Variants in FBXO45 observed in about 807,000 individuals in gnomAD.
FBXO45 encodes the protein F-box protein 45, also known as F-box/SPRY domain-containing protein 1.
In FBXO45, 3 loss-of-function variants were observed where a neutral mutation model predicts 25.5. The observed-to-expected ratio is 0.12, with a 90% CI of 0.05 to 0.30. The LOEUF (loss-of-function observed/expected upper bound fraction) is 0.30, where lower values mean the gene tolerates loss of function less well. FBXO45 is among the 10% of genes least tolerant of loss of function. The probability of loss-of-function intolerance (pLI) is 1.00; values close to 1 mark genes in which losing one functional copy is unlikely to be tolerated. For missense variants in FBXO45, 219 were observed against 365.0 expected, an observed-to-expected ratio of 0.60 and a Z score of 3.26; for synonymous variants, 155 against 149.8, an observed-to-expected ratio of 1.03 and a Z score of -0.25.
chr3:196,569,059 C>G lies in FBXO45; in HGVS notation c.75C>G (p.Gly25=). ...GTAGCGGCGGCGGCGCGGGCGCGGG[C>G]GCGGGCTCGGGCTCTGGGGCCGCGG... ...AGCSGGGAGA[G]AGSGSGAAGA... Residue 25 remains glycine (G), a synonymous_variant, in exon 1 of 3, where the codon GGC becomes GGG. Coordinates refer to ENST00000311630, the MANE Select transcript of FBXO45 (RefSeq NM_001105573.2). This position sits in a 1 kb window ranked among gnomAD's most constrained non-coding sequence, Gnocchi z 4.1. The G allele has an allele frequency of 8.5e-7, 1 of 1,179,006 alleles. No individual in the cohort carries two copies. The highest frequency in any genetic ancestry group is 1.1e-6 in the Non-Finnish European group (1 of 949,928). 73.0% of individuals were successfully genotyped at this position (1,179,006 alleles called of 1,614,324 possible).
rs1290388434 is a variant in FBXO45, at chr3:196,582,680, T to C, written c.676-1453T>C. Reference sequence around the variant, plus strand: ...AAAACTGGATATATTCTGCTTCCAGTTTCGTTTAATAATCAGTGCTGCTGT... The same window carrying C: ...AAAACTGGATATATTCTGCTTCCAGCTTCGTTTAATAATCAGTGCTGCTGT... On this transcript the variant is annotated intron_variant, in intron 2 of 2. Transcript: ENST00000311630. Among the ~76,000 whole-genome samples, 5 of 152,148 alleles carry C rather than the reference T, an allele frequency of 3.3e-5. No individual in the cohort carries two copies. The East Asian group carries it at 9.6e-4, about 29-fold the overall frequency.
At chr3:196,575,230 C>T (rs998297536) in intron 1 of FBXO45, among the ~76,000 whole-genome samples, 2 of 152,018 alleles carry the variant, frequency 1.3e-5, no homozygotes, top group Non-Finnish European at 1.5e-5. Context: ...CCAAGGCAGG[C>T]GGATCACCTG....
chr3:196,569,767 T>G lies in FBXO45; in HGVS notation c.318+465T>G, dbSNP rs992642586. Among the ~76,000 whole-genome samples, 8 of 152,220 alleles carry G rather than the reference T, an allele frequency of 5.3e-5. No individual in the cohort carries two copies. Among genetic ancestry groups the G allele is most frequent in the African/African-American group, 1.9e-4 (8 of 41,440 alleles). On this transcript the variant is annotated intron_variant, in intron 1 of 2. Coordinates refer to ENST00000311630, the MANE Select transcript of FBXO45 (RefSeq NM_001105573.2). This position sits in a 1 kb window ranked among gnomAD's most constrained non-coding sequence, Gnocchi z 4.1. ...TTTCCAAGCTCTGATTTTTAACCATTTGTTTTCATTATTTTCCCCCAAGTT... is the reference window on the plus strand; with the variant it reads ...TTTCCAAGCTCTGATTTTTAACCATGTGTTTTCATTATTTTCCCCCAAGTT...
Position 196,577,479 on chromosome 3 carries a change from C to T in FBXO45, c.345C>T (p.Ser115=). Residue 115 remains serine, a synonymous_variant, in exon 2 of 3, where the codon AGC becomes AGT. Coordinates refer to ENST00000311630, the MANE Select transcript of FBXO45 (RefSeq NM_001105573.2). ...TACGTGCTTTTCAACATGCCTTCAGCACTAATGACTGCTCCAGGAATGTCT... is the reference window on the plus strand; with the variant it reads ...TACGTGCTTTTCAACATGCCTTCAGTACTAATGACTGCTCCAGGAATGTCT... ...AKIRAFQHAF[S]TNDCSRNVYI... is the part of the protein sequence containing the mutation. 6.2e-7 allele frequency: 1 copy of T among 1,608,348 alleles called. No homozygotes were observed. The highest frequency in any genetic ancestry group is 8.5e-7 in the Non-Finnish European group (1 of 1,175,272).
At chr3:196,571,341 G>A (rs1218919776) in intron 1 of FBXO45, among the ~76,000 whole-genome samples, 1 of 151,980 alleles carries the variant, frequency 6.6e-6, no homozygotes, top group Admixed American at 6.5e-5. Context: ...ATCCTCCTTA[G>A]CTTAGCCTCC....
chr3:196,573,362 T>C (rs1735860323), intron 1 of FBXO45, among the ~76,000 whole-genome samples: 1 of 152,202 alleles, frequency 6.6e-6, no homozygotes, highest in African/African-American at 2.4e-5. Flanking sequence ...ATGGAGGGCT[T>C]TGAAATATAG....
At position 196,577,644 on chromosome 3, in the gene FBXO45, G is replaced by A; in HGVS notation, c.510G>A (p.Val170=). The change falls in exon 2 of 3, where the codon GTG becomes GTA. Residue 170 remains valine (V), a synonymous_variant. Transcript: ENST00000311630. ...WWEGPLGTVA[V]IGIATKRAPM... ...AGGGCCCTCTGGGCACTGTGGCAGTGATTGGAATTGCCACAAAACGGGCCC... is the reference window on the plus strand; with the variant it reads ...AGGGCCCTCTGGGCACTGTGGCAGTAATTGGAATTGCCACAAAACGGGCCC... The A allele has an allele frequency of 6.2e-7, 1 of 1,613,670 alleles. No individual in the cohort carries two copies. Among genetic ancestry groups the A allele is most frequent in the Non-Finnish European group, 8.5e-7 (1 of 1,179,682 alleles).
rs1482389052 is a variant in FBXO45 at position 196,584,376 on chromosome 3, G to C, written c.*58G>C. ...AGGAGAGATCTGCTTATGGGAAGTA[G>C]AACCATGAAGTGACTGTCACACATG... On this transcript the variant is annotated 3_prime_UTR_variant, in exon 3 of 3. Transcript: ENST00000311630. This position sits in a 1 kb window ranked among gnomAD's most constrained non-coding sequence, Gnocchi z 4.3. 6.9e-7 allele frequency: 1 copy of C among 1,447,742 alleles called. No individual in the cohort carries two copies. Among genetic ancestry groups the C allele is most frequent in the African/African-American group, 1.4e-5 (1 of 69,422 alleles). 89.7% of individuals were successfully genotyped at this position (1,447,742 alleles called of 1,614,324 possible).
At chr3:196,578,886 G>A (rs763739014) in intron 2 of FBXO45, among the ~76,000 whole-genome samples, 3 of 152,050 alleles carry the variant, frequency 2.0e-5, no homozygotes, top group Non-Finnish European at 4.4e-5. Context: ...GTGGCCCAGG[G>A]AAGCCAAAGG....
At chr3:196,570,265 CTTT>C (rs35858957) in intron 1 of FBXO45, among the ~76,000 whole-genome samples, 4,383 of 142,294 alleles carry the variant, frequency 0.031, 175 homozygotes, top group African/African-American at 0.094. Context: ...ACATCCCCCC[CTTT>C]TTTTTTTTTT....
rs760936846 is a variant in FBXO45 at position 196,585,708 on chromosome 3, CTTT to C, written c.*1392_*1394del. On this transcript the variant is annotated 3_prime_UTR_variant, in exon 3 of 3. Transcript: ENST00000311630. ...CAACCCACATGAGCTGAGAGTTTTT[CTTT>C]TGTTAGAAAAGAAACAGACATCTTT... 3 of 152,286 alleles carry C rather than the reference CTTT, an allele frequency of 2.0e-5. No homozygotes were observed. The East Asian group carries it at 5.8e-4, about 29-fold the overall frequency. 9.4% of individuals were successfully genotyped at this position (152,286 alleles called of 1,614,324 possible). A position where few individuals can be genotyped will look rare whatever the true frequency, so the allele number is the denominator to read the frequency against.
intron 1 of FBXO45, among the ~76,000 whole-genome samples, chr3:196,570,835 C>G (rs1735811466): frequency 6.6e-6 from 1 of 151,778 alleles, no homozygotes; most frequent in South Asian, 2.1e-4. Context: ...CCTCAGCCTC[C>G]TGAGTAGCTG....
At chr3:196,576,409 G>A (rs562335453) in intron 1 of FBXO45, among the ~76,000 whole-genome samples, 24 of 152,264 alleles carry the variant, frequency 1.6e-4, no homozygotes, top group Admixed American at 5.2e-4. Flanking sequence ...CCAGGCAGGC[G>A]TAGTGACTCG....
intron 1 of FBXO45, among the ~76,000 whole-genome samples, chr3:196,570,768 G>A (rs992432018): frequency 6.9e-6 from 1 of 144,130 alleles, no homozygotes; most frequent in Non-Finnish European, 1.5e-5. Flanking sequence ...CTGGAGTGCA[G>A]TGGCGGGATC....
In FBXO45 at chr3:196,569,094, G is replaced by A. The variant is rs1028636947; in HGVS notation, c.110G>A (p.Gly37Asp). The change falls in exon 1 of 3, where the codon GGC (glycine) becomes GAC (aspartate). Residue 37 changes from glycine to aspartate, a missense_variant. Gly to Asp is a moderately conservative substitution (Grantham distance 94, BLOSUM62 -1). Coordinates refer to ENST00000311630, the MANE Select transcript of FBXO45 (RefSeq NM_001105573.2). The surrounding 1 kb of genome is among the most constrained non-coding windows in gnomAD (Gnocchi z 4.1). The stretch of plus-strand genomic sequence containing the variant: ...GGCTCTGGGGCCGCGGGGGCCGGGG[G>A]CCGGCTGCCCAGCCGGGTGCTGGAG... ...GSGSGAAGAG[G>D]RLPSRVLELV... The A allele has an allele frequency of 4.1e-6, 6 of 1,471,256 alleles. No homozygotes were observed. The African/African-American group carries it at 5.7e-5, about 14-fold the overall frequency. 91.1% of individuals were successfully genotyped at this position (1,471,256 alleles called of 1,614,324 possible). A position where few individuals can be genotyped will look rare whatever the true frequency, so the allele number is the denominator to read the frequency against.
At position 196,569,527 on chromosome 3, in the gene FBXO45, C is replaced by T. The variant is rs533529837; in HGVS notation, c.318+225C>T. Among the ~76,000 whole-genome samples, 1 of 152,322 alleles carries T rather than the reference C, an allele frequency of 6.6e-6. No individual in the cohort carries two copies. Among genetic ancestry groups the T allele is most frequent in the East Asian group, 1.9e-4 (1 of 5,186 alleles). On this transcript the variant is annotated intron_variant, in intron 1 of 2. Transcript: ENST00000311630. The surrounding 1 kb of genome is among the most constrained non-coding windows in gnomAD (Gnocchi z 4.1). ...CCACTTCCGTGATCCACTTTTCAAACAACTAGGTAGTTTGCCTCACTCATT... is the reference window on the plus strand; with the variant it reads ...CCACTTCCGTGATCCACTTTTCAAATAACTAGGTAGTTTGCCTCACTCATT...
chr3:196,584,385 A>G lies in FBXO45; in HGVS notation c.*67A>G. The G allele has an allele frequency of 7.2e-7, 1 of 1,390,198 alleles. No individual in the cohort carries two copies. Among genetic ancestry groups the G allele is most frequent in the Non-Finnish European group, 9.7e-7 (1 of 1,032,176 alleles). The allele number at this position is 1,390,198 out of a possible 1,614,324, so 86.1% of individuals were successfully genotyped here. On this transcript the variant is annotated 3_prime_UTR_variant, in exon 3 of 3. Coordinates refer to ENST00000311630, the MANE Select transcript of FBXO45 (RefSeq NM_001105573.2). This position sits in a 1 kb window ranked among gnomAD's most constrained non-coding sequence, Gnocchi z 4.3. ...CTGCTTATGGGAAGTAGAACCATGAAGTGACTGTCACACATGCATGTCCAA... is the reference window on the plus strand; with the variant it reads ...CTGCTTATGGGAAGTAGAACCATGAGGTGACTGTCACACATGCATGTCCAA...
Position 196,568,902 on chromosome 3 carries a change from C to T in FBXO45, c.-83C>T. 4 of 957,966 alleles carry T rather than the reference C, an allele frequency of 4.2e-6. No homozygotes were observed. Among genetic ancestry groups the T allele is most frequent in the Non-Finnish European group, 5.0e-6 (4 of 804,160 alleles). 59.3% of individuals were successfully genotyped at this position (957,966 alleles called of 1,614,324 possible). ...GGGGCGGTGAGCGAGCCGCTCCGGTCTCCGGGCGAGGCTTGGCCTTCCGAG... is the reference window on the plus strand; with the variant it reads ...GGGGCGGTGAGCGAGCCGCTCCGGTTTCCGGGCGAGGCTTGGCCTTCCGAG... On this transcript the variant is annotated 5_prime_UTR_variant, in exon 1 of 3. Coordinates refer to ENST00000311630, the MANE Select transcript of FBXO45 (RefSeq NM_001105573.2).
intron 1 of FBXO45, among the ~76,000 whole-genome samples, chr3:196,570,188 ATAAG>A (rs777961381): frequency 6.6e-6 from 1 of 152,198 alleles, no homozygotes; most frequent in Non-Finnish European, 1.5e-5. Context: ...AAGATCATAT[ATAAG>A]AGAAGATAAA....
Sources: allele counts gnomAD v4.1 joint callset (sites outside exome capture counted in the v4.1 genomes callset), GRCh38; gene constraint gnomAD v4.1.1; non-coding constraint Gnocchi (gnomAD v3.1); transcripts MANE v1.5; gene names NCBI Gene and HGNC (gene_info 2026-07-23, HGNC 2026-07-21).